The following FBN3 variants were observed in gnomAD, a reference collection of about 807,000 sequenced individuals.
The protein encoded by FBN3 is fibrillin 3, also known as fibrillin-3.
Under a neutral mutation model 330.1 loss-of-function variants are expected in FBN3, and 234 were observed. The ratio of observed to expected loss-of-function variants is 0.71; its 90% CI spans 0.64 to 0.79. The LOEUF (loss-of-function observed/expected upper bound fraction) is 0.79. Ranked by LOEUF, FBN3 falls within the 30% of genes least tolerant of loss-of-function variation. FBN3 has a pLI of 0.00. For synonymous variants in FBN3, 1,458 were observed against 1,517.3 expected (o/e 0.96, Z 0.91); for missense variants, 3,606 against 3,886.9 (o/e 0.93, Z 1.92).
chr19:8,123,431 A>T (rs748562110), intron 24 of FBN3, 33 bp downstream of exon 24: 1 of 1,606,386 alleles, frequency 6.2e-7, no homozygotes. Context: ...GCCAAGGATC[A>T]CGCTCTCTCC....
chr19:8,124,448 G>A (rs535882868), intron 22 of FBN3, among the ~76,000 whole-genome samples: 131 of 151,234 alleles, frequency 8.7e-4, no homozygotes, highest in African/African-American at 3.0e-3. Flanking sequence ...GTTTCACCAC[G>A]TTGGCCAGGC....
intron 14 of FBN3, among the ~76,000 whole-genome samples, chr19:8,132,721 AC>A (rs2083177185): frequency 6.6e-6 from 1 of 151,978 alleles, no homozygotes; most frequent in East Asian, 1.9e-4. Context: ...TGAACTCCTG[AC>A]CTCAAATGAT....
At chr19:8,116,124 G>C (rs1000357719) in intron 29 of FBN3, among the ~76,000 whole-genome samples, 1 of 151,984 alleles carries the variant, frequency 6.6e-6, no homozygotes, top group African/African-American at 2.4e-5. Context: ...AGCTTCACTC[G>C]GTTTCTTGGC....
chr19:8,128,561 T>A (rs144020437), intron 18 of FBN3, among the ~76,000 whole-genome samples: 1,520 of 137,760 alleles, frequency 0.011, 10 homozygotes, highest in Non-Finnish European at 0.016. Flanking sequence ...AGACTCTGTC[T>A]CAAAAAAAAA....
intron 62 of FBN3, 113 bp downstream of exon 62, chr19:8,072,950 G>T: frequency 1.2e-6 from 1 of 862,328 alleles, no homozygotes; most frequent in Non-Finnish European, 1.8e-6. Context: ...GTAAATTCTT[G>T]GCATGCACAA....
In FBN3 at chr19:8,065,598, A is replaced by T; in HGVS notation, c.*321T>A. On this transcript the variant is annotated 3_prime_UTR_variant, in exon 64 of 64. Coordinates refer to ENST00000600128, the MANE Select transcript of FBN3 (RefSeq NM_032447.5). ...CCTGCCCCCCGCCAGGGCAAGCCACAGTGCAGTACAGAAGTGAAAGCCTGA... is the reference window on the plus strand; with the variant it reads ...CCTGCCCCCCGCCAGGGCAAGCCACTGTGCAGTACAGAAGTGAAAGCCTGA... The T allele has an allele frequency of 3.2e-6, 1 of 314,214 alleles. No individual in the cohort carries two copies. The highest frequency in any genetic ancestry group is 4.9e-5 in the Admixed American group (1 of 20,592). 19.5% of individuals were successfully genotyped at this position (314,214 alleles called of 1,614,324 possible).
chr19:8,120,489 C>T (rs1339785996), intron 25 of FBN3, among the ~76,000 whole-genome samples: 2 of 147,750 alleles, frequency 1.4e-5, no homozygotes, highest in Non-Finnish European at 3.0e-5. Context: ...TCCTTCCTTC[C>T]TTCCTTCCTT....
At chr19:8,130,631 A>AAG (rs1555750534) in intron 16 of FBN3, among the ~76,000 whole-genome samples, 447 of 15,860 alleles carry the variant, frequency 0.028, 172 homozygotes, top group Middle Eastern at 0.043. Context: ...AAAGAAAGAA[A>AAG]GAAAGAAAGA....
At chr19:8,128,810 G>A (rs1490864884) in intron 18 of FBN3, among the ~76,000 whole-genome samples, 1 of 152,198 alleles carries the variant, frequency 6.6e-6, no homozygotes. Context: ...TTCTGAGCGT[G>A]TGCATGTGTG....
At chr19:8,135,936 G>GGGCCACCCCCCCCCCCCCCCCC in intron 13 of FBN3, 25 bp downstream of exon 13, 1 of 668,778 alleles carries the variant, frequency 1.5e-6, no homozygotes, top group Non-Finnish European at 2.4e-6. Context: ...GGAAGCCCCT[G>GGGCCACCCCCCCCCCCCCCCCC]CCCACCCGCC....
chr19:8,071,930 G>C, intron 63 of FBN3, 118 bp downstream of exon 63: 2 of 1,039,658 alleles, frequency 1.9e-6, no homozygotes, highest in Admixed American at 4.7e-5. Context: ...AACCTGTTGG[G>C]ATCTGGAGCC....
Position 8,146,176 on chromosome 19 carries a change from C to A in FBN3, c.300G>T (p.Leu100=). Residue 100 remains leucine (L), a synonymous_variant, in exon 4 of 64, where the codon CTG becomes CTT. Transcript: ENST00000600128. The part of the protein sequence containing the change: ...CGEGFCSQPN[L]CTCADGTLAP... ...CCAGCGTCCCATCCGCACAGGTGCACAGGTTGGGCTGGGAGCAGAAGCCTT... is the reference window on the plus strand; with the variant it reads ...CCAGCGTCCCATCCGCACAGGTGCAAAGGTTGGGCTGGGAGCAGAAGCCTT... The A allele has an allele frequency of 1.9e-6, 3 of 1,603,786 alleles. No individual in the cohort carries two copies. The highest frequency in any genetic ancestry group is 2.6e-6 in the Non-Finnish European group (3 of 1,176,472).
intron 8 of FBN3, among the ~76,000 whole-genome samples, chr19:8,140,999 T>C (rs960944840): frequency 1.3e-5 from 2 of 151,662 alleles, no homozygotes; most frequent in East Asian, 3.9e-4. Context: ...GAGACCATCC[T>C]GGCTAACACG....
rs188469539 is a variant in FBN3, at chr19:8,124,093, G to A, written c.2732-85C>T. On this transcript the variant is annotated intron_variant, in intron 22 of 63. Transcript: ENST00000600128. The stretch of plus-strand genomic sequence containing the variant: ...GGCGTGCCGCTCAGTCACTCCCATC[G>A]GAAACTTTCTCCCGGACGTAGTCAG... 1,810 of 1,197,696 alleles carry A rather than the reference G, an allele frequency of 1.5e-3. 3 individuals carry two copies. The highest frequency in any genetic ancestry group is 3.5e-3 in the African/African-American group (235 of 66,488). 74.2% of individuals were successfully genotyped at this position (1,197,696 alleles called of 1,614,324 possible).
Position 8,086,225 on chromosome 19 carries a change from G to C in FBN3, c.6855C>G (p.Pro2285=), listed in dbSNP as rs1474819883. Reference sequence around the variant, plus strand: ...CGTGGCACTCGGTAAGGGTGGGGCTGGGCTGGAATCCCTCATCACAGTCGC... The same window carrying C: ...CGTGGCACTCGGTAAGGGTGGGGCTCGGCTGGAATCCCTCATCACAGTCGC... ...FRCDCDEGFQ[P]SPTLTECHDI... The change falls in exon 55 of 64, where the codon CCC becomes CCG. Residue 2285 remains proline, a synonymous_variant. Transcript: ENST00000600128. The C allele has an allele frequency of 6.2e-7, 1 of 1,609,554 alleles. No individual in the cohort carries two copies. The highest frequency in any genetic ancestry group is 2.2e-5 in the East Asian group (1 of 44,482).
At position 8,087,936 on chromosome 19, in the gene FBN3, A is replaced by G; in HGVS notation, c.6508T>C (p.Cys2170Arg). ...LMMTCEDIDECSLNPLLCAFR... is the reference protein window; with the variant it reads ...LMMTCEDIDERSLNPLLCAFR... ...GCACAGAGCAGCGGGTTCAGGGAGC[A>G]TTCGTCGATGTCTGGGGAGGCCAGT... The change falls in exon 53 of 64, where the codon TGC (cysteine) becomes CGC (arginine). Residue 2170 changes from cysteine (C) to arginine (R), a missense_variant. By Grantham distance (180) the Cys-to-Arg change is radical. Coordinates refer to ENST00000600128, the MANE Select transcript of FBN3 (RefSeq NM_032447.5). The G allele has an allele frequency of 1.2e-6, 2 of 1,614,100 alleles. No individual in the cohort carries two copies. The highest frequency in any genetic ancestry group is 1.7e-6 in the Non-Finnish European group (2 of 1,180,000).
At chr19:8,068,327 C>T (rs955083154) in intron 63 of FBN3, among the ~76,000 whole-genome samples, 6 of 150,264 alleles carry the variant, frequency 4.0e-5, no homozygotes, top group Non-Finnish European at 5.9e-5. Context: ...GGAGGCGGAG[C>T]TTGCAGTGAG....
chr19:8,085,235 A>ACACACACG, intron 56 of FBN3, 128 bp downstream of exon 56: 1 of 733,630 alleles, frequency 1.4e-6, no homozygotes, highest in South Asian at 1.7e-5. Flanking sequence ...ACACACACAC[A>ACACACACG]CACACACACA....
intron 56 of FBN3, among the ~76,000 whole-genome samples, chr19:8,084,201 G>A (rs969006788): frequency 2.6e-5 from 4 of 152,078 alleles, no homozygotes; most frequent in African/African-American, 7.2e-5. Context: ...TCGCTCACAC[G>A]CAGACACTCA....
Sources: gnomAD v4.1 joint callset for allele counts (sites outside exome capture counted in the v4.1 genomes callset) on GRCh38, gnomAD v4.1.1 for gene constraint, MANE v1.5 for transcripts, NCBI Gene and HGNC (gene_info 2026-07-23, HGNC 2026-07-21) for gene names.